The following CADM2 variants were observed in gnomAD, a reference collection of about 807,000 sequenced individuals.
The protein encoded by CADM2 is immunoglobulin superfamily member 4D.
A neutral mutation model predicts 49.8 loss-of-function variants in CADM2; 12 were observed. The ratio of observed to expected loss-of-function variants is 0.24; its 90% CI spans 0.15 to 0.39. CADM2 has a LOEUF of 0.39. Among genes scored for constraint, CADM2 ranks in the 10% least tolerant of loss-of-function variants. CADM2 has a pLI of 1.00. For synonymous variants in CADM2, 214 were observed against 175.4 expected (o/e 1.22, Z -1.74); for missense variants, 378 against 492.3 (o/e 0.77, Z 2.20).
chr3:85,562,246 G>C (rs937306928), intron 1 of CADM2, among the ~76,000 whole-genome samples: 2 of 151,988 alleles, frequency 1.3e-5, no homozygotes, highest in African/African-American at 4.8e-5. Flanking sequence ...TTCGGGGGCT[G>C]AGACAGGCGG....
chr3:85,881,052 G>GT (rs569141146), intron 3 of CADM2, among the ~76,000 whole-genome samples: 128 of 152,098 alleles, frequency 8.4e-4, no homozygotes, highest in African/African-American at 3.0e-3. Context: ...TGTCTCACAG[G>GT]TCCCTGGGCC....
chr3:85,552,366 G>GTTTTTTTTTTT (rs36014885), intron 1 of CADM2, among the ~76,000 whole-genome samples: 2 of 87,576 alleles, frequency 2.3e-5, no homozygotes, highest in African/African-American at 9.3e-5. Context: ...ACTTTGAAAA[G>GTTTTTTTTTTT]TTTTTTTTTT....
At chr3:85,240,944 G>A (rs952385447) in intron 1 of CADM2, among the ~76,000 whole-genome samples, 1 of 151,394 alleles carries the variant, frequency 6.6e-6, no homozygotes, top group African/African-American at 2.4e-5. Flanking sequence ...AGGGTAATTG[G>A]CAGATTCATT....
Position 85,004,300 on chromosome 3 carries a change from C to T in CADM2, c.61+44632C>T, listed in dbSNP as rs1309605058. ...CTTTTTCTCATTCTACACATCTGTT[C>T]GAGTATTATTTTCCACTATTCTCTT... is the stretch of plus-strand genomic sequence containing the variant. On this transcript the variant is annotated intron_variant, in intron 1 of 9. Coordinates refer to ENST00000383699, the MANE Select transcript of CADM2 (RefSeq NM_001167675.2). Among the ~76,000 whole-genome samples, 3 of 152,190 alleles carry T rather than the reference C, an allele frequency of 2.0e-5. No homozygotes were observed. In the East Asian group the frequency reaches 5.8e-4, roughly 29 times the overall value.
intron 1 of CADM2, among the ~76,000 whole-genome samples, chr3:85,600,672 T>C (rs2063365726): frequency 6.6e-6 from 1 of 151,768 alleles, no homozygotes; most frequent in African/African-American, 2.4e-5. Context: ...TAAATACGGT[T>C]AACTTTCAGA....
chr3:85,242,917 A>G (rs987701173), intron 1 of CADM2, among the ~76,000 whole-genome samples: 28 of 151,962 alleles, frequency 1.8e-4, no homozygotes, highest in Middle Eastern at 6.9e-3. Flanking sequence ...TGCTTTTTTC[A>G]AAACAGGACC....
At chr3:85,644,775 G>A (rs2064835347) in intron 1 of CADM2, among the ~76,000 whole-genome samples, 1 of 152,144 alleles carries the variant, frequency 6.6e-6, no homozygotes, top group South Asian at 2.1e-4. Flanking sequence ...TTCAAGTACA[G>A]TAGTATGTAT....
chr3:85,727,083 C>T (rs556106591), intron 2 of CADM2, among the ~76,000 whole-genome samples: 21 of 152,080 alleles, frequency 1.4e-4, no homozygotes, highest in East Asian at 9.7e-4. Flanking sequence ...ACATGTCCAA[C>T]GCTGAAAATA....
intron 1 of CADM2, among the ~76,000 whole-genome samples, chr3:84,981,663 C>T (rs1414211671): frequency 6.6e-6 from 1 of 152,048 alleles, no homozygotes; most frequent in Non-Finnish European, 1.5e-5. Context: ...TCCCTTCTTT[C>T]CTTTCTTCCT....
intron 1 of CADM2, among the ~76,000 whole-genome samples, chr3:85,507,365 T>C (rs2040403615): frequency 6.6e-6 from 1 of 151,584 alleles, no homozygotes; most frequent in Admixed American, 6.6e-5. Context: ...TTTTTTGTAT[T>C]TTTAGTAGAC....
intron 1 of CADM2, among the ~76,000 whole-genome samples, chr3:85,539,792 AG>A (rs1170381521): frequency 6.6e-6 from 1 of 152,112 alleles, no homozygotes; most frequent in East Asian, 1.9e-4. Context: ...TTTCTAACAT[AG>A]GGGAAATGGA....
intron 3 of CADM2, among the ~76,000 whole-genome samples, chr3:85,833,175 C>A (rs75922762): frequency 6.6e-6 from 1 of 151,836 alleles, no homozygotes; most frequent in African/African-American, 2.4e-5. Flanking sequence ...CTTACTTAAT[C>A]GTGGCGAATT....
In CADM2 at chr3:85,084,668, T is replaced by C. The variant is rs563603466; in HGVS notation, c.61+125000T>C. 1.3e-3 allele frequency among the ~76,000 whole-genome samples: 200 copies of C among 152,284 alleles called. 1 individual carries two copies. The highest frequency in any genetic ancestry group is 4.4e-3 in the African/African-American group (181 of 41,586). ...AATAAAATACATTACTTAAAGTAAA[T>C]TCACCTGTTTCTTTTTAATGTTTAG... On this transcript the variant is annotated intron_variant, in intron 1 of 9. Coordinates refer to ENST00000383699, the MANE Select transcript of CADM2 (RefSeq NM_001167675.2).
intron 1 of CADM2, among the ~76,000 whole-genome samples, chr3:85,568,505 T>TTCTTTCTTTC (rs2062377560): frequency 7.1e-6 from 1 of 140,988 alleles, no homozygotes; most frequent in Non-Finnish European, 1.5e-5. Context: ...CTTTCTTTCT[T>TTCTTTCTTTC]TCTTTCTTTC....
In CADM2 at chr3:85,489,038, T is replaced by C. The variant is rs529261036; in HGVS notation, c.62-237484T>C. 4.6e-5 allele frequency among the ~76,000 whole-genome samples: 7 copies of C among 152,324 alleles called. No individual in the cohort carries two copies. The East Asian group carries it at 1.3e-3, about 29-fold the overall frequency. On this transcript the variant is annotated intron_variant, in intron 1 of 9. Transcript: ENST00000383699. ...ATTTTCCTGGGTAATATCTTAAGAA[T>C]CTTGTGCAATTCCTACCCAAGTGTC...
intron 1 of CADM2, among the ~76,000 whole-genome samples, chr3:85,120,215 A>G (rs1462224126): frequency 1.3e-5 from 2 of 152,276 alleles, no homozygotes; most frequent in East Asian, 1.9e-4. Context: ...GGAGAAATAA[A>G]TGGTTTTACA....
At chr3:85,435,128 T>A (rs765394767) in intron 1 of CADM2, among the ~76,000 whole-genome samples, 16 of 152,088 alleles carry the variant, frequency 1.1e-4, no homozygotes, top group Non-Finnish European at 2.2e-4. Flanking sequence ...CATCTACCTA[T>A]CATCTACATT....
intron 1 of CADM2, among the ~76,000 whole-genome samples, chr3:85,484,867 C>A (rs2039354240): frequency 6.6e-6 from 1 of 151,858 alleles, no homozygotes; most frequent in Non-Finnish European, 1.5e-5. Context: ...ATTTTATAGT[C>A]ATATGATAGA....
At chr3:85,661,298 G>T (rs1349432482) in intron 1 of CADM2, among the ~76,000 whole-genome samples, 1 of 152,084 alleles carries the variant, frequency 6.6e-6, no homozygotes, top group Non-Finnish European at 1.5e-5. Context: ...ATTAGCTCAA[G>T]GACTAGCTTC....
Sources: allele counts gnomAD v4.1 joint callset (sites outside exome capture counted in the v4.1 genomes callset), GRCh38; gene constraint gnomAD v4.1.1; transcripts MANE v1.5; gene names NCBI Gene and HGNC (gene_info 2026-07-23, HGNC 2026-07-21).